PDZRN3: variants seen among roughly 807,000 people sequenced by gnomAD.
PDZRN3 encodes E3 ubiquitin-protein ligase PDZRN3.
Under a neutral mutation model 85.7 loss-of-function variants are expected in PDZRN3, and 38 were observed. The observed-to-expected ratio is 0.44, with a 90% CI of 0.34 to 0.58. PDZRN3 has a LOEUF of 0.58. Among genes scored for constraint, PDZRN3 ranks in the 20% least tolerant of loss-of-function variants. PDZRN3 has a pLI of 0.01. For synonymous variants in PDZRN3, 759 were observed against 638.0 expected, an observed-to-expected ratio of 1.19 and a Z score of -2.86; for missense variants, 1,629 against 1,506.4, an observed-to-expected ratio of 1.08 and a Z score of -1.35.
Position 73,397,544 on chromosome 3 carries a change from G to A in PDZRN3, c.1254+3378C>T, listed in dbSNP as rs970454860. ...AGGAAACTCATTTCTCAGCATGCGG[G>A]GTTTATTAATTAACCTTCTTGAACT... On this transcript the variant is annotated intron_variant, in intron 5 of 9. Transcript: ENST00000263666. Among the ~76,000 whole-genome samples the A allele has an allele frequency of 1.2e-4, 19 of 152,176 alleles. 1 individual carries two copies. The highest frequency in any genetic ancestry group is 3.4e-4 in the African/African-American group (14 of 41,442).
At chr3:73,543,343 A>G (rs1701330186) in intron 3 of PDZRN3, among the ~76,000 whole-genome samples, 1 of 152,252 alleles carries the variant, frequency 6.6e-6, no homozygotes. Context: ...CCTCAGAAGC[A>G]AAAAGGTAGC....
Position 73,624,693 on chromosome 3 carries a change from A to T in PDZRN3, c.133T>A (p.Trp45Arg), listed in dbSNP as rs746027080. The T allele has an allele frequency of 9.2e-6, 14 of 1,524,072 alleles. 1 individual carries two copies. The highest frequency in any genetic ancestry group is 1.2e-5 in the Non-Finnish European group (14 of 1,141,728). The allele number at this position is 1,524,072 out of a possible 1,614,324, so 94.4% of individuals were successfully genotyped here. Reference protein sequence around the residue: ...HVFCAGCVLPWVVQEGSCPAR... With the variant: ...HVFCAGCVLPRVVQEGSCPAR... ...GGGCAGCTGCCCTCCTGCACCACCC[A>T]GGGCAGCACGCAGCCGGCGCAGAAG... Residue 45 changes from tryptophan to arginine, a missense_variant, in exon 1 of 10, where the codon TGG becomes AGG. Physicochemically the swap from Trp to Arg is moderately radical, Grantham distance 101. Transcript: ENST00000263666.
rs375855458 is a variant in PDZRN3 at position 73,565,586 on chromosome 3, A to G, written c.918+36768T>C. 1.4e-4 allele frequency among the ~76,000 whole-genome samples: 22 copies of G among 152,166 alleles called. No homozygotes were observed. In the East Asian group the frequency reaches 3.7e-3, roughly 25 times the overall value. On this transcript the variant is annotated intron_variant, in intron 3 of 9. Transcript: ENST00000263666. The stretch of plus-strand genomic sequence containing the variant: ...CTGTGGTCTTATTTCACCTTCCACT[A>G]CGCCCTGGGAAGTTGGGACAAATCC...
chr3:73,399,140 G>C (rs1191887552), intron 5 of PDZRN3, among the ~76,000 whole-genome samples: 2 of 152,042 alleles, frequency 1.3e-5, no homozygotes, highest in Non-Finnish European at 2.9e-5. Flanking sequence ...AAGAACTAAA[G>C]AACCCACTGC....
intron 5 of PDZRN3, among the ~76,000 whole-genome samples, chr3:73,392,410 TGTG>T (rs1701547067): frequency 6.6e-6 from 1 of 152,222 alleles, no homozygotes. Context: ...TGGGGTATAA[TGTG>T]GTGGGGAAGA....
In PDZRN3 at chr3:73,616,802, T is replaced by C. The variant is rs1482946275; in HGVS notation, c.723+7301A>G. 1.3e-5 allele frequency among the ~76,000 whole-genome samples: 2 copies of C among 152,178 alleles called. 1 individual carries two copies. The highest frequency in any genetic ancestry group is 4.1e-4 in the South Asian group (2 of 4,830). ...TCTCATTTCATCTTAATAACAACCC[T>C]AACAACAGGCATATTATGATCCCAT... is the stretch of plus-strand genomic sequence containing the variant. On this transcript the variant is annotated intron_variant, in intron 1 of 9. Transcript: ENST00000263666.
At chr3:73,547,339 T>G (rs1486853509) in intron 3 of PDZRN3, among the ~76,000 whole-genome samples, 1 of 152,196 alleles carries the variant, frequency 6.6e-6, no homozygotes, top group Non-Finnish European at 1.5e-5. Context: ...AAAAGTATCA[T>G]TAAGTGACAG....
intron 3 of PDZRN3, among the ~76,000 whole-genome samples, chr3:73,524,689 G>A (rs1276393972): frequency 1.3e-5 from 2 of 152,134 alleles, no homozygotes; most frequent in East Asian, 3.8e-4. Flanking sequence ...TGTTTAAAAG[G>A]CTGTGTTTTC....
intron 3 of PDZRN3, among the ~76,000 whole-genome samples, chr3:73,458,185 G>A (rs1703026943): frequency 6.6e-6 from 1 of 152,118 alleles, no homozygotes; most frequent in Non-Finnish European, 1.5e-5. Context: ...TTACAGTTTA[G>A]CTTGGGGTGG....
chr3:73,544,639 G>A (rs141571253), intron 3 of PDZRN3, among the ~76,000 whole-genome samples: 113 of 149,912 alleles, frequency 7.5e-4, no homozygotes, highest in Non-Finnish European at 1.4e-3. Flanking sequence ...GAGATATTCA[G>A]CTTTATTGAA....
chr3:73,470,175 T>C (rs1299678236), intron 3 of PDZRN3, among the ~76,000 whole-genome samples: 1 of 152,226 alleles, frequency 6.6e-6, no homozygotes, highest in Non-Finnish European at 1.5e-5. Context: ...AATTAAAATA[T>C]TGAACATAGG....
rs1309657028 is a variant in PDZRN3, at chr3:73,569,489, CT to C, written c.918+32864del. ...TGACAATTTCCACTGCACAGAATGC[CT>C]TTCTCCTCTTCTCTGCAATGAGATC... On this transcript the variant is annotated intron_variant, in intron 3 of 9. Coordinates refer to ENST00000263666, the MANE Select transcript of PDZRN3 (RefSeq NM_015009.3). 3.7e-6 allele frequency: 4 copies of C among 1,083,786 alleles called. No homozygotes were observed. The African/African-American group carries it at 5.1e-5, about 14-fold the overall frequency. The allele number at this position is 1,083,786 out of a possible 1,614,324, so 67.1% of individuals were successfully genotyped here. A position where few individuals can be genotyped will look rare whatever the true frequency, so the allele number is the denominator to read the frequency against.
chr3:73,496,105 C>T (rs768264822), intron 3 of PDZRN3, among the ~76,000 whole-genome samples: 3 of 151,982 alleles, frequency 2.0e-5, no homozygotes, highest in Non-Finnish European at 4.4e-5. Flanking sequence ...AAAACTGCTC[C>T]ATATTGATGG....
intron 3 of PDZRN3, among the ~76,000 whole-genome samples, chr3:73,488,114 C>T (rs115037195): frequency 1.9e-3 from 291 of 152,268 alleles, no homozygotes; most frequent in African/African-American, 6.4e-3. Context: ...CAACAGGTGC[C>T]AGCACAGGTC....
chr3:73,500,934 T>C (rs1192862102), intron 3 of PDZRN3, among the ~76,000 whole-genome samples: 1 of 152,166 alleles, frequency 6.6e-6, no homozygotes, highest in African/African-American at 2.4e-5. Context: ...TTTTTCTTAC[T>C]TGGTGTTTTG....
At chr3:73,497,708 C>T (rs1176698393) in intron 3 of PDZRN3, among the ~76,000 whole-genome samples, 1 of 152,160 alleles carries the variant, frequency 6.6e-6, no homozygotes, top group Non-Finnish European at 1.5e-5. Flanking sequence ...AATGGTTTTA[C>T]AACAGGGACA....
chr3:73,487,160 T>G (rs1173440613), intron 3 of PDZRN3, among the ~76,000 whole-genome samples: 1 of 152,242 alleles, frequency 6.6e-6, no homozygotes, highest in Non-Finnish European at 1.5e-5. Context: ...GGATTTTTTT[T>G]CAATAACTTC....
Position 73,441,971 on chromosome 3 carries a change from G to C in PDZRN3, c.919-37576C>G, listed in dbSNP as rs192752041. Among the ~76,000 whole-genome samples the C allele has an allele frequency of 3.8e-4, 58 of 152,290 alleles. 1 individual carries two copies. Among genetic ancestry groups the C allele is most frequent in the African/African-American group, 1.3e-3 (55 of 41,570 alleles). ...TGATCACAAAGTCCCTGCTGAGTCTGGGGGATAGGAAGGGTCTCAATCATG... is the reference window on the plus strand; with the variant it reads ...TGATCACAAAGTCCCTGCTGAGTCTCGGGGATAGGAAGGGTCTCAATCATG... On this transcript the variant is annotated intron_variant, in intron 3 of 9. Coordinates refer to ENST00000263666, the MANE Select transcript of PDZRN3 (RefSeq NM_015009.3).
At chr3:73,468,039 T>C (rs1006045785) in intron 3 of PDZRN3, among the ~76,000 whole-genome samples, 1 of 152,102 alleles carries the variant, frequency 6.6e-6, no homozygotes, top group Non-Finnish European at 1.5e-5. Context: ...ACAATGCAAA[T>C]ATATTTAACA....
Sources: allele counts gnomAD v4.1 joint callset (sites outside exome capture counted in the v4.1 genomes callset), GRCh38; gene constraint gnomAD v4.1.1; transcripts MANE v1.5; gene names NCBI Gene and HGNC (gene_info 2026-07-23, HGNC 2026-07-21).